Variants in PKD1L3 observed in about 807,000 individuals in gnomAD.
The protein encoded by PKD1L3 is polycystin-1-like protein 3.
In PKD1L3, 239 loss-of-function variants were observed where a neutral mutation model predicts 184.1. The observed-to-expected ratio is 1.30, with a 90% CI of 1.17 to 1.45. The LOEUF is 1.45. Among genes scored for constraint, PKD1L3 ranks in the 40% most tolerant of loss-of-function variants. PKD1L3 has a pLI of 0.00. For synonymous variants in PKD1L3, 996 were observed against 778.8 expected (o/e 1.28, Z -4.64); for missense variants, 2,660 against 2,067.2 (o/e 1.29, Z -5.56).
At chr16:71,944,926 T>C (rs986074730) in intron 22 of PKD1L3, among the ~76,000 whole-genome samples, 8 of 151,332 alleles carry the variant, frequency 5.3e-5, no homozygotes, top group African/African-American at 1.9e-4. Flanking sequence ...CTCGAACTCC[T>C]ACCTCAGGCG....
chr16:71,982,202 C>T lies in PKD1L3; in HGVS notation c.1000G>A (p.Glu334Lys), dbSNP rs1312085132. The change falls in exon 7 of 30, where the codon GAG (glutamate) becomes AAG (lysine). Residue 334 changes from glutamate (E) to lysine (K), a missense_variant. Physicochemically the swap from Glu to Lys is moderately conservative, Grantham distance 56. Transcript: ENST00000620267. ...TGAAATGGGATCCTGAGTAACTCCT[C>T]ACTCAGGTAAATAAGGGAATTGATG... Reference protein sequence around the residue: ...NLINSLIYLSEELLRIPFQNN... With the variant: ...NLINSLIYLSKELLRIPFQNN... 6.5e-7 allele frequency: 1 copy of T among 1,545,416 alleles called. No homozygotes were observed. Among genetic ancestry groups the T allele is most frequent in the African/African-American group, 1.4e-5 (1 of 72,516 alleles).
chr16:71,960,471 T>G (rs1156801337), intron 16 of PKD1L3, among the ~76,000 whole-genome samples: 1 of 152,040 alleles, frequency 6.6e-6, no homozygotes, highest in East Asian at 1.9e-4. Flanking sequence ...GTATGTCAAC[T>G]TTCTTTAGTT....
intron 16 of PKD1L3, among the ~76,000 whole-genome samples, chr16:71,961,528 A>G (rs34679758): frequency 0.078 from 11,816 of 151,214 alleles, 600 homozygotes; most frequent in Non-Finnish European, 0.12. Context: ...CCCCTGTGAA[A>G]AATGCCACTC....
rs371294495 is a variant in PKD1L3, at chr16:71,929,620, C to A, written c.5117G>T (p.Ser1706Ile). The A allele has an allele frequency of 7.1e-5, 110 of 1,551,842 alleles. 1 individual carries two copies. In the African/African-American group the frequency reaches 1.2e-3, roughly 16 times the overall value. Residue 1706 changes from serine (S) to isoleucine (I), a missense_variant, in exon 30 of 30, where the codon AGT becomes ATT. Coordinates refer to ENST00000620267, the MANE Select transcript of PKD1L3 (RefSeq NM_181536.2). The stretch of plus-strand genomic sequence containing the variant: ...CTCAGATGAGGTTTTTTGGGGCCAA[C>A]TGATTCCTAACAAATTTGAGAGCTT... ...LQKLSNLLGI[S>I]WPQKTSSEQA...
In PKD1L3 at chr16:71,990,156, C is replaced by G. The variant is rs913737089; in HGVS notation, c.585+124G>C. ...CCAATTTTTTTCTTGCACGTAAGTACTTTATTTTCCTTATTAGAAAACTAT... is the reference window on the plus strand; with the variant it reads ...CCAATTTTTTTCTTGCACGTAAGTAGTTTATTTTCCTTATTAGAAAACTAT... On this transcript the variant is annotated intron_variant, in intron 4 of 29. Coordinates refer to ENST00000620267, the MANE Select transcript of PKD1L3 (RefSeq NM_181536.2). The G allele has an allele frequency of 7.2e-6, 5 of 696,252 alleles. No homozygotes were observed. The African/African-American group carries it at 9.6e-5, about 13-fold the overall frequency. 43.1% of individuals were successfully genotyped at this position (696,252 alleles called of 1,614,324 possible).
At chr16:71,948,020 G>C (rs543972835) in intron 21 of PKD1L3, among the ~76,000 whole-genome samples, 4 of 151,792 alleles carry the variant, frequency 2.6e-5, no homozygotes, top group African/African-American at 7.3e-5. Flanking sequence ...GGGTTCAAGC[G>C]ATTCTCTTCC....
chr16:71,979,901 GAT>G lies in PKD1L3; in HGVS notation c.1281_1282del (p.Ser428AsnfsTer31), dbSNP rs747697220. The G allele has an allele frequency of 4.5e-6, 7 of 1,550,056 alleles. No individual in the cohort carries two copies. The highest frequency in any genetic ancestry group is 1.4e-5 in the African/African-American group (1 of 72,880). ...AGTGTAAGAGCTCAGCGGTAAAGTTGATATGTTTTGTCTAATGAGAAAAGTTA... is the reference window on the plus strand; with the variant it reads ...AGTGTAAGAGCTCAGCGGTAAAGTTGATGTTTTGTCTAATGAGAAAAGTTA... On this transcript the variant is annotated frameshift_variant, in exon 9 of 30. Transcript: ENST00000620267. LOFTEE classifies it high-confidence loss of function.
intron 5 of PKD1L3, among the ~76,000 whole-genome samples, chr16:71,984,490 C>G (rs2040281857): frequency 6.6e-6 from 1 of 152,156 alleles, no homozygotes; most frequent in Non-Finnish European, 1.5e-5. Flanking sequence ...ATTAAAAAGC[C>G]AAAACCAAAC....
intron 11 of PKD1L3, 55 bp from the exon 12 acceptor site, chr16:71,973,572 G>T (rs2039804509): frequency 2.8e-6 from 4 of 1,415,734 alleles, no homozygotes; most frequent in Middle Eastern, 1.8e-4. Context: ...AAACACCAAT[G>T]AACCTCTCTT....
At chr16:71,934,947 A>T (rs1441243996) in intron 26 of PKD1L3, among the ~76,000 whole-genome samples, 1 of 152,242 alleles carries the variant, frequency 6.6e-6, no homozygotes, top group African/African-American at 2.4e-5. Context: ...CTTAGTATGG[A>T]TGAGTGAATA....
chr16:71,963,268 A>T lies in PKD1L3; in HGVS notation c.2549T>A (p.Leu850His). The change falls in exon 16 of 30, where the codon CTC becomes CAC. Residue 850 changes from leucine to histidine, a missense_variant. Transcript: ENST00000620267. ...FLCNCWLAVD[L>H]GDCELDRVFI... ...GACCCGGTCAAGCTCACAGTCTCCG[A>T]GGTCCACAGCCAGCCAGCAATTGCA... The T allele has an allele frequency of 6.4e-7, 1 of 1,551,604 alleles. No homozygotes were observed. Among genetic ancestry groups the T allele is most frequent in the Non-Finnish European group, 8.7e-7 (1 of 1,146,930 alleles).
chr16:71,947,678 A>C, intron 21 of PKD1L3, 87 bp from the exon 22 acceptor site: 1 of 850,422 alleles, frequency 1.2e-6, no homozygotes, highest in Non-Finnish European at 1.8e-6. Flanking sequence ...GTGGGCACTC[A>C]TGAAAAACTT....
At chr16:71,992,001 T>C (rs376955618) in intron 3 of PKD1L3, among the ~76,000 whole-genome samples, 19 of 152,280 alleles carry the variant, frequency 1.2e-4, no homozygotes, top group Admixed American at 9.8e-4. Flanking sequence ...AAAAGTTTTT[T>C]GTAGAGACAG....
intron 11 of PKD1L3, among the ~76,000 whole-genome samples, chr16:71,976,976 C>G (rs2039949305): frequency 6.6e-6 from 1 of 152,222 alleles, no homozygotes; most frequent in Non-Finnish European, 1.5e-5. Context: ...ATCTCCTGAC[C>G]TTGTGATCTG....
In PKD1L3 at chr16:71,954,315, T is replaced by C. The variant is rs550675214; in HGVS notation, c.2613-14A>G. 5 of 1,506,998 alleles carry C rather than the reference T, an allele frequency of 3.3e-6. No individual in the cohort carries two copies. The highest frequency in any genetic ancestry group is 4.5e-6 in the Non-Finnish European group (5 of 1,121,022). 93.4% of individuals were successfully genotyped at this position (1,506,998 alleles called of 1,614,324 possible). A position where few individuals can be genotyped will look rare whatever the true frequency, so the allele number is the denominator to read the frequency against. On this transcript the variant is annotated splice_polypyrimidine_tract_variant and intron_variant, in intron 16 of 29. Coordinates refer to ENST00000620267, the MANE Select transcript of PKD1L3 (RefSeq NM_181536.2). ...GAAAACAGATGTCTGAAAAGAGAAA[T>C]CAGAAGAGGAAATACATGAGATTTT... is the stretch of plus-strand genomic sequence containing the variant.
At chr16:71,964,719 G>A (rs546627939) in intron 15 of PKD1L3, among the ~76,000 whole-genome samples, 2 of 151,864 alleles carry the variant, frequency 1.3e-5, no homozygotes, top group South Asian at 4.2e-4. Context: ...CCTCCTTCCA[G>A]TCACCTCCTG....
chr16:71,981,966 CT>C (rs1433027099), intron 7 of PKD1L3, 92 bp downstream of exon 7: 41 of 1,286,096 alleles, frequency 3.2e-5, no homozygotes, highest in Non-Finnish European at 3.7e-5. Flanking sequence ...GCAAGATTAT[CT>C]TTAAAGGTCT....
At chr16:71,999,133 T>C (rs904739120) in intron 1 of PKD1L3, among the ~76,000 whole-genome samples, 6 of 151,756 alleles carry the variant, frequency 4.0e-5, no homozygotes, top group Admixed American at 1.3e-4. Context: ...TAGTCGGGCG[T>C]GGTGGCGGCC....
chr16:71,951,815 G>T (rs2038845682), intron 18 of PKD1L3, 71 bp from the exon 19 acceptor site: 17 of 1,371,636 alleles, frequency 1.2e-5, no homozygotes, highest in Non-Finnish European at 1.6e-5. Flanking sequence ...AATTACAGGT[G>T]GTAAGGCCGT....
Sources: gnomAD v4.1 joint callset for allele counts (sites outside exome capture counted in the v4.1 genomes callset) on GRCh38, gnomAD v4.1.1 for gene constraint, MANE v1.5 for transcripts, NCBI Gene and HGNC (gene_info 2026-07-23, HGNC 2026-07-21) for gene names.